Variants in FBLIM1 observed in about 807,000 individuals in gnomAD.
The protein encoded by FBLIM1 is filamin binding LIM protein 1, also known as filamin-binding LIM protein 1.
Under a neutral mutation model 37.4 loss-of-function variants are expected in FBLIM1, and 29 were observed. The observed-to-expected ratio is 0.77, with a 90% CI of 0.58 to 1.06. The LOEUF (loss-of-function observed/expected upper bound fraction) is 1.06, where lower values mean the gene tolerates loss of function less well. Among genes scored for constraint, FBLIM1 ranks in the 50% least tolerant of loss-of-function variants. The pLI, the probability that FBLIM1 is intolerant of heterozygous loss-of-function variation, is 0.00. For missense variants in FBLIM1, 449 were observed against 505.6 expected, an observed-to-expected ratio of 0.89 and a Z score of 1.07; for synonymous variants, 193 against 199.0, an observed-to-expected ratio of 0.97 and a Z score of 0.25.
intron 5 of FBLIM1, 151 bp downstream of exon 5, chr1:15,768,781 A>G: frequency 2.0e-6 from 1 of 511,364 alleles, no homozygotes; most frequent in Non-Finnish European, 3.4e-6. Flanking sequence ...CATCCATTTA[A>G]TTTGTATTGC....
rs558536834 is a variant in FBLIM1 at position 15,774,943 on chromosome 1, G to A, written c.890+147G>A. 7.2e-6 allele frequency: 11 copies of A among 1,529,208 alleles called. No homozygotes were observed. The highest frequency in any genetic ancestry group is 6.0e-5 in the Admixed American group (3 of 49,606). The allele number at this position is 1,529,208 out of a possible 1,614,324, so 94.7% of individuals were successfully genotyped here. On this transcript the variant is annotated intron_variant, in intron 7 of 8. Transcript: ENST00000375766. ...AAAGAATATTACAGGGCTGGGCTGG[G>A]CGCGGTGGCTCACGCCTGTAATCCC... is the stretch of plus-strand genomic sequence containing the variant.
chr1:15,775,549 A>AG (rs60428161), intron 7 of FBLIM1, among the ~76,000 whole-genome samples: 4 of 151,576 alleles, frequency 2.6e-5, no homozygotes, highest in African/African-American at 9.7e-5. Flanking sequence ...AAAAAAAAAA[A>AG]GAAAAGGATA....
At chr1:15,780,397 G>A (rs904753132) in intron 8 of FBLIM1, among the ~76,000 whole-genome samples, 4 of 151,616 alleles carry the variant, frequency 2.6e-5, no homozygotes, top group African/African-American at 7.3e-5. Flanking sequence ...ATGGGGTTTC[G>A]CCATGTTGGC....
intron 8 of FBLIM1, among the ~76,000 whole-genome samples, chr1:15,782,255 A>G (rs1206553015): frequency 6.6e-6 from 1 of 151,434 alleles, no homozygotes; most frequent in African/African-American, 2.4e-5. Context: ...TAAATGTTTA[A>G]AAATTAGCCA....
chr1:15,777,183 G>T lies in FBLIM1; in HGVS notation c.904G>T (p.Val302Phe), dbSNP rs138158787. Residue 302 changes from valine (V) to phenylalanine (F), a missense_variant, in exon 8 of 9, where the codon GTC becomes TTC. By Grantham distance (50) the Val-to-Phe change is conservative. Transcript: ENST00000375766. ...LDDFYRKFAP[V>F]CSICENPIIP... ...CTTTGCTTCTAGGAAATTCGCCCCCGTCTGCAGCATCTGTGAAAATCCCAT... is the reference window on the plus strand; with the variant it reads ...CTTTGCTTCTAGGAAATTCGCCCCCTTCTGCAGCATCTGTGAAAATCCCAT... The T allele has an allele frequency of 3.1e-6, 5 of 1,606,324 alleles. No individual in the cohort carries two copies. In the East Asian group the frequency reaches 1.1e-4, roughly 36 times the overall value.
Position 15,785,061 on chromosome 1 carries a change from T to C in FBLIM1, c.*400T>C, listed in dbSNP as rs1304274514. ...AAAAGTGCCTTTTAGAGGCTGGGCA[T>C]GGTGGCTCACGCTTGTAATCCCAGC... On this transcript the variant is annotated 3_prime_UTR_variant, in exon 9 of 9. Coordinates refer to ENST00000375766, the MANE Select transcript of FBLIM1 (RefSeq NM_017556.4). The C allele has an allele frequency of 6.3e-6, 1 of 159,106 alleles. No individual in the cohort carries two copies. The highest frequency in any genetic ancestry group is 1.8e-4 in the East Asian group (1 of 5,618). 9.9% of individuals were successfully genotyped at this position (159,106 alleles called of 1,614,324 possible).
intron 5 of FBLIM1, among the ~76,000 whole-genome samples, chr1:15,769,781 G>A (rs752128905): frequency 2.6e-5 from 4 of 151,704 alleles, no homozygotes; most frequent in African/African-American, 7.3e-5. Context: ...GACTACAGGC[G>A]CCCGCTACCA....
At chr1:15,777,572 ATTTTT>A (rs35178526) in intron 8 of FBLIM1, among the ~76,000 whole-genome samples, 1 of 121,580 alleles carries the variant, frequency 8.2e-6, no homozygotes, top group African/African-American at 3.1e-5. Flanking sequence ...GACTCTCTCC[ATTTTT>A]TTTTTTTTTT....
intron 3 of FBLIM1, among the ~76,000 whole-genome samples, chr1:15,766,084 G>A (rs1569756900): frequency 2.0e-5 from 3 of 152,040 alleles, no homozygotes; most frequent in African/African-American, 7.3e-5. Context: ...CAGATCTGCC[G>A]TGGAGCCTGA....
chr1:15,764,945 T>C lies in FBLIM1; in HGVS notation c.-20-19T>C. 1.3e-6 allele frequency: 2 copies of C among 1,587,486 alleles called. No individual in the cohort carries two copies. The highest frequency in any genetic ancestry group is 1.7e-6 in the Non-Finnish European group (2 of 1,167,414). On this transcript the variant is annotated intron_variant, in intron 2 of 8. Coordinates refer to ENST00000375766, the MANE Select transcript of FBLIM1 (RefSeq NM_017556.4). ...GTGTCTGGGTGGCAATCCTGTGCTG[T>C]ACCCCACTCTGTCCCTAGCCACACC...
In FBLIM1 at chr1:15,785,945, A is replaced by T. The variant is rs2069758316; in HGVS notation, c.*1284A>T. 1 of 152,246 alleles carries T rather than the reference A, an allele frequency of 6.6e-6. No individual in the cohort carries two copies. The highest frequency in any genetic ancestry group is 1.9e-4 in the East Asian group (1 of 5,192). 9.4% of individuals were successfully genotyped at this position (152,246 alleles called of 1,614,324 possible). The stretch of plus-strand genomic sequence containing the variant: ...CAGGCATGGGGTGAGAGCCTGGTAT[A>T]TGCTGGGAACAGGGTGCAGGGGCCA... On this transcript the variant is annotated 3_prime_UTR_variant, in exon 9 of 9. Transcript: ENST00000375766.
chr1:15,762,739 T>C (rs556282558), intron 1 of FBLIM1, among the ~76,000 whole-genome samples: 1 of 152,332 alleles, frequency 6.6e-6, no homozygotes, highest in East Asian at 1.9e-4. Context: ...ACACAAAGAA[T>C]GCAGACACCG....
rs1336990399 is a variant in FBLIM1 at position 15,764,500 on chromosome 1, G to C, written c.-206G>C. On this transcript the variant is annotated 5_prime_UTR_variant, in exon 2 of 9. Coordinates refer to ENST00000375766, the MANE Select transcript of FBLIM1 (RefSeq NM_017556.4). ...TCTCTTTCCCTCCCAAAGCAGAGCT[G>C]GCCTGAACCTCCAGGACTTCAGCCC... 2 of 161,540 alleles carry C rather than the reference G, an allele frequency of 1.2e-5. No individual in the cohort carries two copies. Among genetic ancestry groups the C allele is most frequent in the African/African-American group, 4.8e-5 (2 of 41,578 alleles). The allele number at this position is 161,540 out of a possible 1,614,324, so 10.0% of individuals were successfully genotyped here. A position where few individuals can be genotyped will look rare whatever the true frequency, so the allele number is the denominator to read the frequency against.
chr1:15,777,138 C>CGCCT (rs2069517498), intron 7 of FBLIM1, 32 bp from the exon 8 acceptor site: 1 of 1,541,718 alleles, frequency 6.5e-7, no homozygotes, highest in African/African-American at 1.4e-5. Context: ...GTGGCATGAA[C>CGCCT]GCCTCCCAAG....
At position 15,765,109 on chromosome 1, in the gene FBLIM1, C is replaced by A; in HGVS notation, c.126C>A (p.Pro42=). The A allele has an allele frequency of 6.2e-7, 1 of 1,613,842 alleles. No individual in the cohort carries two copies. Among genetic ancestry groups the A allele is most frequent in the Non-Finnish European group, 8.5e-7 (1 of 1,179,854 alleles). Residue 42 remains proline, a synonymous_variant, in exon 3 of 9, where the codon CCC becomes CCA. Transcript: ENST00000375766. The surrounding 1 kb of genome is among the most constrained non-coding windows in gnomAD (Gnocchi z 5.9). ...TTTGTGAGGCCCGGCGTGGCCGCCC[C>A]TGGGAGGCTCCTGCCCCCATGAAGA... The part of the protein sequence containing the change: ...QAVCEARRGR[P]WEAPAPMKTP...
At chr1:15,760,166 T>C (rs560334234) in intron 1 of FBLIM1, among the ~76,000 whole-genome samples, 20 of 151,734 alleles carry the variant, frequency 1.3e-4, no homozygotes, top group Non-Finnish European at 2.1e-4. Flanking sequence ...GAGGTTGCAG[T>C]GAGCCGAGAT....
intron 7 of FBLIM1, 84 bp downstream of exon 7, chr1:15,774,880 G>A (rs1221315671): frequency 6.2e-7 from 1 of 1,612,120 alleles, no homozygotes; most frequent in African/African-American, 1.3e-5. Context: ...TTGAGTCCTG[G>A]GTGCTGGGCC....
At chr1:15,774,569 G>T in intron 6 of FBLIM1, 49 bp from the exon 7 acceptor site, 1 of 1,563,934 alleles carries the variant, frequency 6.4e-7, no homozygotes, top group Non-Finnish European at 8.7e-7. Flanking sequence ...ACCCTCGTGG[G>T]TTGGGGTGGG....
In FBLIM1 at chr1:15,786,142, A is replaced by T. The variant is rs2069762281; in HGVS notation, c.*1481A>T. 6.6e-6 allele frequency: 1 copy of T among 152,268 alleles called. No homozygotes were observed. Among genetic ancestry groups the T allele is most frequent in the Non-Finnish European group, 1.5e-5 (1 of 68,070 alleles). 9.4% of individuals were successfully genotyped at this position (152,268 alleles called of 1,614,324 possible). A position where few individuals can be genotyped will look rare whatever the true frequency, so the allele number is the denominator to read the frequency against. On this transcript the variant is annotated 3_prime_UTR_variant, in exon 9 of 9. Coordinates refer to ENST00000375766, the MANE Select transcript of FBLIM1 (RefSeq NM_017556.4). Reference sequence around the variant, plus strand: ...CTGTGTTGTAACCTCTGCGTCCTCAAGACCACACCTGGAAGATTCTTCTTC... The same window carrying T: ...CTGTGTTGTAACCTCTGCGTCCTCATGACCACACCTGGAAGATTCTTCTTC...
Sources: allele counts gnomAD v4.1 joint callset (sites outside exome capture counted in the v4.1 genomes callset), GRCh38; gene constraint gnomAD v4.1.1; non-coding constraint Gnocchi (gnomAD v3.1); transcripts MANE v1.5; gene names NCBI Gene and HGNC (gene_info 2026-07-23, HGNC 2026-07-21).